Variants in RPTOR observed in about 807,000 individuals in gnomAD.
RPTOR encodes the protein regulatory associated protein of MTOR complex 1, also known as regulatory-associated protein of mTOR.
RPTOR carries 21 observed loss-of-function variants against 169.9 expected under a neutral mutation model. The observed-to-expected ratio is 0.12, with a 90% CI of 0.09 to 0.18. The LOEUF (loss-of-function observed/expected upper bound fraction) is 0.18. Ranked by LOEUF, RPTOR falls within the 10% of genes least tolerant of loss-of-function variation. The pLI is 1.00. For synonymous variants in RPTOR, 732 were observed against 753.2 expected (o/e 0.97, Z 0.46); for missense variants, 1,133 against 1,855.9 (o/e 0.61, Z 7.16).
chr17:80,601,427 C>T (rs997794566), intron 1 of RPTOR, among the ~76,000 whole-genome samples: 12 of 152,230 alleles, frequency 7.9e-5, no homozygotes, highest in African/African-American at 1.7e-4. Context: ...ACGCAGGTTC[C>T]GTGCCAGGGA....
At chr17:80,874,949 CTG>C (rs1422029736) in intron 13 of RPTOR, among the ~76,000 whole-genome samples, 1 of 152,226 alleles carries the variant, frequency 6.6e-6, no homozygotes, top group Non-Finnish European at 1.5e-5. Context: ...GTGATTGTCT[CTG>C]TGTTCACGTC....
chr17:80,902,341 T>C (rs2068486778), intron 20 of RPTOR, among the ~76,000 whole-genome samples: 1 of 152,190 alleles, frequency 6.6e-6, no homozygotes, highest in Admixed American at 6.5e-5. Context: ...CAGCAGCCGC[T>C]CCACTGCACC....
At chr17:80,564,249 A>G (rs1052880067) in intron 1 of RPTOR, among the ~76,000 whole-genome samples, 4 of 151,936 alleles carry the variant, frequency 2.6e-5, no homozygotes, top group Admixed American at 2.6e-4. Flanking sequence ...TTTTTAGTAG[A>G]GATGGGGTTT....
At chr17:80,666,503 G>C (rs2065780769) in intron 3 of RPTOR, among the ~76,000 whole-genome samples, 1 of 152,156 alleles carries the variant, frequency 6.6e-6, no homozygotes, top group Non-Finnish European at 1.5e-5. Flanking sequence ...AGGGCGCAAG[G>C]ATGAAAATGA....
intron 4 of RPTOR, among the ~76,000 whole-genome samples, chr17:80,717,880 G>A (rs1208897346): frequency 2.0e-5 from 3 of 152,152 alleles, no homozygotes; most frequent in African/African-American, 7.2e-5. Context: ...CAGGCAATTA[G>A]GACTGGCAGC....
At chr17:80,899,003 C>G (rs1160434477) in intron 20 of RPTOR, among the ~76,000 whole-genome samples, 2 of 152,026 alleles carry the variant, frequency 1.3e-5, no homozygotes. Context: ...CTGGATAGAA[C>G]GAGTCCAGAG....
intron 20 of RPTOR, among the ~76,000 whole-genome samples, chr17:80,899,645 G>C (rs1216988807): frequency 1.3e-5 from 2 of 152,244 alleles, no homozygotes; most frequent in Non-Finnish European, 2.9e-5. Context: ...AGGTGGGACT[G>C]CCCCTTGGCA....
At chr17:80,881,485 C>T (rs1037294498) in intron 14 of RPTOR, among the ~76,000 whole-genome samples, 10 of 152,244 alleles carry the variant, frequency 6.6e-5, no homozygotes, top group East Asian at 3.9e-4. Context: ...ACCTCAGCCA[C>T]GAGCCTGCGG....
At chr17:80,949,025 C>T (rs1403780638) in intron 27 of RPTOR, among the ~76,000 whole-genome samples, 1 of 152,184 alleles carries the variant, frequency 6.6e-6, no homozygotes, top group East Asian at 1.9e-4. Flanking sequence ...TTTCGTTCTG[C>T]TCCCTGGCAC....
intron 3 of RPTOR, among the ~76,000 whole-genome samples, chr17:80,656,025 G>A (rs983631883): frequency 6.6e-6 from 1 of 152,084 alleles, no homozygotes; most frequent in Non-Finnish European, 1.5e-5. Context: ...TTGGTGTCTT[G>A]CTGTGTTGAC....
At chr17:80,763,971 C>G (rs2066760382) in intron 6 of RPTOR, among the ~76,000 whole-genome samples, 1 of 151,960 alleles carries the variant, frequency 6.6e-6, no homozygotes, top group Non-Finnish European at 1.5e-5. Context: ...ATTGTTTCAT[C>G]CTGACATCAA....
chr17:80,571,702 G>A (rs1441181185), intron 1 of RPTOR, among the ~76,000 whole-genome samples: 2 of 152,028 alleles, frequency 1.3e-5, no homozygotes, highest in Non-Finnish European at 2.9e-5. Flanking sequence ...TGCATTTTTT[G>A]TAGAGACAGG....
intron 5 of RPTOR, among the ~76,000 whole-genome samples, chr17:80,751,906 G>C (rs1278003711): frequency 6.6e-6 from 1 of 152,190 alleles, no homozygotes; most frequent in Non-Finnish European, 1.5e-5. Flanking sequence ...GTACCTTGTT[G>C]TTCCACATCC....
At chr17:80,779,495 G>A (rs779394033) in intron 6 of RPTOR, among the ~76,000 whole-genome samples, 14 of 152,330 alleles carry the variant, frequency 9.2e-5, no homozygotes, top group Admixed American at 2.0e-4. Flanking sequence ...CACTGACGTC[G>A]TCACAGGTGG....
chr17:80,565,626 G>A (rs948024580), intron 1 of RPTOR, among the ~76,000 whole-genome samples: 10 of 152,124 alleles, frequency 6.6e-5, no homozygotes, highest in Admixed American at 2.6e-4. Flanking sequence ...GCTGGGAGGC[G>A]GAGGGAGGCG....
chr17:80,638,991 C>T (rs1023334169), intron 2 of RPTOR, among the ~76,000 whole-genome samples: 5 of 152,184 alleles, frequency 3.3e-5, no homozygotes, highest in Admixed American at 2.6e-4. Flanking sequence ...TTTCCTGTCC[C>T]AGATGCCTGC....
chr17:80,571,130 G>A (rs914897990), intron 1 of RPTOR, among the ~76,000 whole-genome samples: 6 of 152,074 alleles, frequency 3.9e-5, no homozygotes, highest in Admixed American at 3.3e-4. Flanking sequence ...GATCTAAATT[G>A]GGCACTCAGT....
At chr17:80,919,552 A>G (rs892240497) in intron 21 of RPTOR, among the ~76,000 whole-genome samples, 1 of 152,198 alleles carries the variant, frequency 6.6e-6, no homozygotes, top group Non-Finnish European at 1.5e-5. Flanking sequence ...TTTCATCTGC[A>G]TTGGATCAGA....
intron 6 of RPTOR, among the ~76,000 whole-genome samples, chr17:80,769,615 G>T (rs746819887): frequency 6.6e-6 from 1 of 152,150 alleles, no homozygotes; most frequent in Non-Finnish European, 1.5e-5. Context: ...GACAGAGGAG[G>T]GAGTAGGGAT....
Sources: gnomAD v4.1 joint callset for allele counts (sites outside exome capture counted in the v4.1 genomes callset) on GRCh38, gnomAD v4.1.1 for gene constraint, MANE v1.5 for transcripts, NCBI Gene and HGNC (gene_info 2026-07-23, HGNC 2026-07-21) for gene names.